The following SLC7A11 variants were observed in gnomAD, a reference collection of about 807,000 sequenced individuals.
SLC7A11 encodes cystine/glutamate transporter.
Under a neutral mutation model 54.5 loss-of-function variants are expected in SLC7A11, and 35 were observed. That is an observed-to-expected ratio of 0.64 (90% confidence interval 0.49 to 0.85). The LOEUF is 0.85. SLC7A11 is among the 40% of genes least tolerant of loss of function. SLC7A11 has a pLI of 0.00. For synonymous variants in SLC7A11, 230 were observed against 225.2 expected (o/e 1.02, Z -0.19); for missense variants, 583 against 618.1 (o/e 0.94, Z 0.60).
intron 6 of SLC7A11, among the ~76,000 whole-genome samples, chr4:138,202,292 C>T (rs1474754270): frequency 6.6e-6 from 1 of 152,018 alleles, no homozygotes; most frequent in Non-Finnish European, 1.5e-5. Context: ...TATCACAAGA[C>T]ACTCTACTTA....
intron 6 of SLC7A11, among the ~76,000 whole-genome samples, chr4:138,193,483 A>G (rs1393170054): frequency 1.3e-5 from 2 of 152,106 alleles, no homozygotes; most frequent in Admixed American, 1.3e-4. Flanking sequence ...TGTGGACCCA[A>G]TGCTGGCTTC....
At chr4:138,224,041 A>G (rs1181637171) in intron 3 of SLC7A11, among the ~76,000 whole-genome samples, 5 of 152,182 alleles carry the variant, frequency 3.3e-5, no homozygotes, top group African/African-American at 1.2e-4. Flanking sequence ...CCAAGCAGCA[A>G]TAACTATCCA....
chr4:138,211,696 T>C (rs1737553449), intron 6 of SLC7A11, among the ~76,000 whole-genome samples: 1 of 151,952 alleles, frequency 6.6e-6, no homozygotes, highest in African/African-American at 2.4e-5. Context: ...AGAATACTAT[T>C]CATTCAATAA....
At chr4:138,221,675 G>C (rs2148444812) in intron 4 of SLC7A11, among the ~76,000 whole-genome samples, 1 of 152,114 alleles carries the variant, frequency 6.6e-6, no homozygotes, top group East Asian at 1.9e-4. Flanking sequence ...CATGACCTCT[G>C]CTCTCAAGGA....
intron 1 of SLC7A11, among the ~76,000 whole-genome samples, chr4:138,239,524 C>G (rs775491100): frequency 1.6e-4 from 25 of 152,238 alleles, no homozygotes; most frequent in Non-Finnish European, 3.5e-4. Flanking sequence ...CAGAGGCACT[C>G]CTGTCCAAAA....
rs1419522723 is a variant in SLC7A11, at chr4:138,171,859, C to G, written c.*97G>C. 6.8e-7 allele frequency: 1 copy of G among 1,468,704 alleles called. No individual in the cohort carries two copies. Among genetic ancestry groups the G allele is most frequent in the Non-Finnish European group, 9.1e-7 (1 of 1,102,118 alleles). The allele number at this position is 1,468,704 out of a possible 1,614,324, so 91.0% of individuals were successfully genotyped here. On this transcript the variant is annotated 3_prime_UTR_variant, in exon 12 of 12. Transcript: ENST00000280612. Reference sequence around the variant, plus strand: ...AATAACTGACTCCTTTTGTTTATCACCAAAGTTGTAATTCTCTAGACTTTC... The same window carrying G: ...AATAACTGACTCCTTTTGTTTATCAGCAAAGTTGTAATTCTCTAGACTTTC...
At chr4:138,223,911 G>A (rs1737878267) in intron 3 of SLC7A11, among the ~76,000 whole-genome samples, 1 of 152,134 alleles carries the variant, frequency 6.6e-6, no homozygotes, top group Non-Finnish European at 1.5e-5. Context: ...TTCAAGATAT[G>A]TTTCAGGGCT....
chr4:138,206,889 C>T (rs552874685), intron 6 of SLC7A11, among the ~76,000 whole-genome samples: 13 of 150,814 alleles, frequency 8.6e-5, no homozygotes, highest in East Asian at 5.9e-4. Context: ...GGCCAAATAC[C>T]GATCTTTTGT....
intron 6 of SLC7A11, among the ~76,000 whole-genome samples, chr4:138,207,635 G>A (rs377152448): frequency 9.9e-5 from 15 of 152,204 alleles, no homozygotes; most frequent in African/African-American, 3.4e-4. Flanking sequence ...AACCTGGGAG[G>A]TGGAGTTGCA....
At chr4:138,173,087 C>T (rs577000915) in intron 11 of SLC7A11, among the ~76,000 whole-genome samples, 22 of 152,190 alleles carry the variant, frequency 1.4e-4, no homozygotes, top group African/African-American at 5.3e-4. Flanking sequence ...AAGTGATTTG[C>T]CTGCCTCGAC....
chr4:138,232,456 A>C (rs1738103572), intron 2 of SLC7A11, 74 bp from the exon 3 acceptor site: 2 of 783,852 alleles, frequency 2.6e-6, no homozygotes, highest in Non-Finnish European at 4.3e-6. Flanking sequence ...TTCTACCTTG[A>C]GTGTATTTAG....
At chr4:138,238,793 G>A (rs148680730) in intron 1 of SLC7A11, among the ~76,000 whole-genome samples, 1,796 of 152,138 alleles carry the variant, frequency 0.012, 20 homozygotes, top group African/African-American at 0.025. Context: ...TGTAGAGGCA[G>A]GGTTTTGCCA....
chr4:138,196,372 T>C (rs2080515283), intron 6 of SLC7A11, among the ~76,000 whole-genome samples: 1 of 151,874 alleles, frequency 6.6e-6, no homozygotes, highest in African/African-American at 2.4e-5. Context: ...AACCAGCCAA[T>C]GAAAAATAGC....
At chr4:138,220,038 C>T (rs1737773435) in intron 4 of SLC7A11, among the ~76,000 whole-genome samples, 1 of 150,156 alleles carries the variant, frequency 6.7e-6, no homozygotes, top group African/African-American at 2.5e-5. Context: ...CTCCTGGGTT[C>T]AAGTGATTCT....
At chr4:138,188,927 C>T (rs1219274567) in intron 6 of SLC7A11, among the ~76,000 whole-genome samples, 2 of 152,178 alleles carry the variant, frequency 1.3e-5, no homozygotes, top group Admixed American at 1.3e-4. Context: ...GTTACTTAAT[C>T]CTAACAGCTT....
At position 138,242,083 on chromosome 4, in the gene SLC7A11, G is replaced by C. The variant is rs753658967; in HGVS notation, c.-14C>G. 6.2e-7 allele frequency: 1 copy of C among 1,611,836 alleles called. No homozygotes were observed. The highest frequency in any genetic ancestry group is 1.1e-5 in the South Asian group (1 of 90,972). On this transcript the variant is annotated 5_prime_UTR_variant, in exon 1 of 12. Coordinates refer to ENST00000280612, the MANE Select transcript of SLC7A11 (RefSeq NM_014331.4). ...CTTTCTGACCATAGTAGGGACACAC[G>C]GGGGAAAAATAAAACAGAGGGAAAG...
At chr4:138,205,314 C>T (rs542263887) in intron 6 of SLC7A11, among the ~76,000 whole-genome samples, 1 of 152,004 alleles carries the variant, frequency 6.6e-6, no homozygotes, top group Admixed American at 6.6e-5. Flanking sequence ...AAAGTCTCAA[C>T]TTCATTTGGT....
intron 3 of SLC7A11, among the ~76,000 whole-genome samples, chr4:138,229,333 A>G (rs960143607): frequency 6.6e-6 from 1 of 152,166 alleles, no homozygotes; most frequent in Non-Finnish European, 1.5e-5. Context: ...CATTAAAGCT[A>G]AATTTTTCTT....
At chr4:138,214,542 T>G in intron 6 of SLC7A11, 43 bp downstream of exon 6, 1 of 1,212,786 alleles carries the variant, frequency 8.2e-7, no homozygotes. Flanking sequence ...TAATCTTAAA[T>G]TTTATTCTTC....
Sources: allele counts gnomAD v4.1 joint callset (sites outside exome capture counted in the v4.1 genomes callset), GRCh38; gene constraint gnomAD v4.1.1; transcripts MANE v1.5; gene names NCBI Gene and HGNC (gene_info 2026-07-23, HGNC 2026-07-21).